GRIN1: variants seen among roughly 807,000 people sequenced by gnomAD.
GRIN1 encodes glutamate ionotropic receptor NMDA type subunit 1.
Under a neutral mutation model 103.0 loss-of-function variants are expected in GRIN1, and 38 were observed. The ratio of observed to expected loss-of-function variants is 0.37; its 90% CI spans 0.28 to 0.48. The LOEUF is 0.48. GRIN1 is among the 20% of genes least tolerant of loss of function. The pLI is 0.98. For synonymous variants in GRIN1, 544 were observed against 532.7 expected, an observed-to-expected ratio of 1.02 and a Z score of -0.29; for missense variants, 577 against 1,288.9, an observed-to-expected ratio of 0.45 and a Z score of 8.46.
At chr9:137,151,168 C>G (rs1167568982) in intron 4 of GRIN1, among the ~76,000 whole-genome samples, 1 of 144,560 alleles carries the variant, frequency 6.9e-6, no homozygotes, top group African/African-American at 2.6e-5. Context: ...CAGGGAAAGC[C>G]CCGCCCAGGG....
Position 137,161,338 on chromosome 9 carries a change from C to T in GRIN1, c.1389C>T (p.Leu463=), listed in dbSNP as rs1833530590. The T allele has an allele frequency of 6.2e-7, 1 of 1,612,726 alleles. No homozygotes were observed. ...GCTACGGCTTTTGCATCGACCTGCT[C>T]ATCAAGCTGGCACGGACCATGAACT... ...QCCYGFCIDL[L]IKLARTMNFT... The change falls in exon 10 of 20, where the codon CTC becomes CTT. Residue 463 remains leucine, a synonymous_variant. Transcript: ENST00000371561.
intron 19 of GRIN1, among the ~76,000 whole-genome samples, chr9:137,166,489 G>T (rs568864819): frequency 6.6e-6 from 1 of 152,252 alleles, no homozygotes; most frequent in African/African-American, 2.4e-5. Context: ...ACGCCCGGGG[G>T]AGGAAGTGCG....
chr9:137,147,356 C>T (rs949988645), intron 3 of GRIN1, among the ~76,000 whole-genome samples: 5 of 152,084 alleles, frequency 3.3e-5, no homozygotes, highest in Non-Finnish European at 7.4e-5. Flanking sequence ...CAGGTGCGCT[C>T]CTCATGTGCA....
chr9:137,162,584 C>A lies in GRIN1; in HGVS notation c.1865-7C>A. On this transcript the variant is annotated splice_region_variant and splice_polypyrimidine_tract_variant and intron_variant, in intron 13 of 19. Transcript: ENST00000371561. ...AGGGTCTGACAGAGCCCCCCGCCCGCCCACAGGCGCCCCCAGAAGCTTCTC... is the reference window on the plus strand; with the variant it reads ...AGGGTCTGACAGAGCCCCCCGCCCGACCACAGGCGCCCCCAGAAGCTTCTC... The A allele has an allele frequency of 6.2e-7, 1 of 1,611,770 alleles. No individual in the cohort carries two copies. The highest frequency in any genetic ancestry group is 8.5e-7 in the Non-Finnish European group (1 of 1,179,558).
At chr9:137,151,053 TC>T (rs1832858202) in intron 4 of GRIN1, among the ~76,000 whole-genome samples, 2 of 14,418 alleles carry the variant, frequency 1.4e-4, no homozygotes, top group East Asian at 2.1e-3. Context: ...CCAGAAAAAG[TC>T]CCGCCCAGGG....
At chr9:137,165,117 G>A in intron 18 of GRIN1, 69 bp from the exon 19 acceptor site, 1 of 1,123,464 alleles carries the variant, frequency 8.9e-7, no homozygotes, top group Non-Finnish European at 1.4e-6. Flanking sequence ...AGCGGCCCAT[G>A]CAGGAGCAGG....
Position 137,162,827 on chromosome 9 carries a change from C to G in GRIN1, c.2014-19C>G. On this transcript the variant is annotated intron_variant, in intron 14 of 19. Coordinates refer to ENST00000371561, the MANE Select transcript of GRIN1 (RefSeq NM_007327.4). ...GCCTGGGGAGCCGCCGCCGCGATCCCTGCCCTCCGACCCTGCAGCTGAGGA... is the reference window on the plus strand; with the variant it reads ...GCCTGGGGAGCCGCCGCCGCGATCCGTGCCCTCCGACCCTGCAGCTGAGGA... 6.2e-7 allele frequency: 1 copy of G among 1,611,320 alleles called. No individual in the cohort carries two copies. Among genetic ancestry groups the G allele is most frequent in the East Asian group, 2.2e-5 (1 of 44,840 alleles).
At chr9:137,166,741 C>A (rs1833897964) in intron 19 of GRIN1, among the ~76,000 whole-genome samples, 1 of 152,258 alleles carries the variant, frequency 6.6e-6, no homozygotes, top group Admixed American at 6.5e-5. Context: ...AAGCACCATT[C>A]CTGGAGCCAC....
At position 137,161,977 on chromosome 9, in the gene GRIN1, C is replaced by A. The variant is rs1479023588; in HGVS notation, c.1521C>A (p.Ser507Arg). ...ATGGGATGATGGGCGAGCTGCTCAG[C>A]GGGCAGGCAGACATGATCGTGGCGC... ...EWNGMMGELL[S>R]GQADMIVAPL... Residue 507 changes from serine (S) to arginine (R), a missense_variant, in exon 11 of 20, where the codon AGC becomes AGA. Physicochemically the swap from Ser to Arg is moderately radical, Grantham distance 110. This residue lies in a region of GRIN1 where 96 missense variants were observed against 145.0 expected (regional missense o/e 0.66). Coordinates refer to ENST00000371561, the MANE Select transcript of GRIN1 (RefSeq NM_007327.4). 1.3e-6 allele frequency: 2 copies of A among 1,564,566 alleles called. No individual in the cohort carries two copies. The highest frequency in any genetic ancestry group is 1.2e-5 in the South Asian group (1 of 85,120).
At chr9:137,165,109 C>T (rs1428637150) in intron 18 of GRIN1, 77 bp from the exon 19 acceptor site, 11 of 1,037,674 alleles carry the variant, frequency 1.1e-5, no homozygotes, top group Admixed American at 5.1e-5. Flanking sequence ...GGCTGGGCAG[C>T]GGCCCATGCA....
intron 6 of GRIN1, 129 bp downstream of exon 6, chr9:137,157,166 C>T: frequency 1.1e-6 from 1 of 918,616 alleles, no homozygotes; most frequent in Non-Finnish European, 1.6e-6. Context: ...CGGAGCAGCT[C>T]TCAGGACTAG....
chr9:137,151,057 G>T (rs111724766), intron 4 of GRIN1, among the ~76,000 whole-genome samples: 23,855 of 80,204 alleles, frequency 0.3, 3,189 homozygotes, highest in Middle Eastern at 0.4. Context: ...AAAAAGTCCC[G>T]CCCAGGGAAA....
intron 6 of GRIN1, 30 bp downstream of exon 6, chr9:137,157,067 G>C: frequency 1.3e-6 from 2 of 1,583,712 alleles, no homozygotes; most frequent in South Asian, 2.3e-5. Flanking sequence ...AGCTGGGCGG[G>C]GCTGCTCTTG....
At chr9:137,160,834 A>G (rs1833493390) in intron 8 of GRIN1, among the ~76,000 whole-genome samples, 1 of 152,166 alleles carries the variant, frequency 6.6e-6, no homozygotes, top group Non-Finnish European at 1.5e-5. Context: ...CCGGGGCTGC[A>G]GGCAGACGAT....
chr9:137,167,417 G>C lies in GRIN1; in HGVS notation c.2707G>C (p.Gly903Arg). ...TGTTGGTTCTTATTTATAGAGCACCGGGGGTGGACGCGGCGCTTTGCAAAA... is the reference window on the plus strand; with the variant it reads ...TGTTGGTTCTTATTTATAGAGCACCCGGGGTGGACGCGGCGCTTTGCAAAA... The part of the protein sequence containing the change: ...RRRSSKDTST[G>R]GGRGALQNQK... Residue 903 changes from glycine (G) to arginine (R), a missense_variant, in exon 20 of 20, where the codon GGG becomes CGG. Around this residue, in one of 9 missense-constraint regions of GRIN1, gnomAD observed 68 missense variants for 113.0 expected, o/e 0.60. Coordinates refer to ENST00000371561, the MANE Select transcript of GRIN1 (RefSeq NM_007327.4). 6.4e-7 allele frequency: 1 copy of C among 1,559,160 alleles called. No homozygotes were observed. The highest frequency in any genetic ancestry group is 8.7e-7 in the Non-Finnish European group (1 of 1,151,302).
chr9:137,163,875 G>A lies in GRIN1; in HGVS notation c.2560G>A (p.Ala854Thr). Residue 854 changes from alanine (A) to threonine (T), a missense_variant, in exon 18 of 20, where the codon GCC (alanine) becomes ACC (threonine). Ala to Thr is a moderately conservative substitution (Grantham distance 58, BLOSUM62 0). Around this residue, in one of 9 missense-constraint regions of GRIN1, gnomAD observed 68 missense variants for 113.0 expected, o/e 0.60. Transcript: ENST00000371561. The part of the protein sequence containing the change: ...RRKQMQLAFA[A>T]VNVWRKNLQD... ...GAAGCAGATGCAGCTGGCCTTTGCC[G>A]CCGTTAACGTGTGGCGGAAGAACCT... The A allele has an allele frequency of 6.2e-7, 1 of 1,612,968 alleles. No homozygotes were observed. Among genetic ancestry groups the A allele is most frequent in the Non-Finnish European group, 8.5e-7 (1 of 1,179,918 alleles).
chr9:137,148,301 C>G lies in GRIN1; in HGVS notation c.571-708C>G, dbSNP rs949464347. 5 of 840,388 alleles carry G rather than the reference C, an allele frequency of 5.9e-6. No individual in the cohort carries two copies. In the Admixed American group the frequency reaches 9.5e-5, roughly 16 times the overall value. The allele number at this position is 840,388 out of a possible 1,614,324, so 52.1% of individuals were successfully genotyped here. ...CCACTAGGGCCACTGTCTGGCCCAG[C>G]CGCCGAGCCGCAGGCCCAAGCAATG... On this transcript the variant is annotated intron_variant, in intron 3 of 19. Coordinates refer to ENST00000371561, the MANE Select transcript of GRIN1 (RefSeq NM_007327.4).
chr9:137,151,702 G>A (rs1016351595), intron 4 of GRIN1, among the ~76,000 whole-genome samples: 15 of 152,298 alleles, frequency 9.8e-5, no homozygotes, highest in Admixed American at 2.0e-4. Context: ...GTCTTGCTTT[G>A]TCACCCAGGC....
chr9:137,158,328 A>G, intron 6 of GRIN1, 51 bp from the exon 7 acceptor site: 1 of 1,597,072 alleles, frequency 6.3e-7, no homozygotes, highest in Non-Finnish European at 8.6e-7. Flanking sequence ...AGCAGGGAGG[A>G]GCAGGAGAAG....
Sources: gnomAD v4.1 joint callset for allele counts (sites outside exome capture counted in the v4.1 genomes callset) on GRCh38, gnomAD v4.1.1 for gene constraint, gnomAD v4.1.1 regional missense constraint, MANE v1.5 for transcripts, NCBI Gene and HGNC (gene_info 2026-07-23, HGNC 2026-07-21) for gene names.